Variants in THEMIS observed in about 807,000 individuals in gnomAD.
The protein encoded by THEMIS is thymocyte selection associated.
A neutral mutation model predicts 52.6 loss-of-function variants in THEMIS; 37 were observed. The ratio of observed to expected loss-of-function variants is 0.70; its 90% CI spans 0.54 to 0.93. The LOEUF is 0.93. Ranked by LOEUF, THEMIS falls within the 40% of genes least tolerant of loss-of-function variation. THEMIS has a pLI of 0.00. For missense variants in THEMIS, 808 were observed against 763.1 expected, an observed-to-expected ratio of 1.06 and a Z score of -0.69; for synonymous variants, 292 against 272.7, an observed-to-expected ratio of 1.07 and a Z score of -0.70.
chr6:127,845,886 T>G (rs1182715546), intron 2 of THEMIS, among the ~76,000 whole-genome samples: 1 of 151,888 alleles, frequency 6.6e-6, no homozygotes, highest in Non-Finnish European at 1.5e-5. Flanking sequence ...ATGAGTAATT[T>G]TAAACACATG....
intron 3 of THEMIS, among the ~76,000 whole-genome samples, chr6:127,821,194 G>A (rs1778328371): frequency 6.7e-6 from 1 of 149,752 alleles, no homozygotes; most frequent in Non-Finnish European, 1.5e-5. Flanking sequence ...GAGAGAGAGA[G>A]ATAAATTTTT....
chr6:127,793,679 A>T (rs12191259), intron 4 of THEMIS, among the ~76,000 whole-genome samples: 23,106 of 152,178 alleles, frequency 0.15, 1,963 homozygotes, highest in African/African-American at 0.22. Context: ...AGCAACCTGT[A>T]GATATTTCAA....
At chr6:127,908,502 G>T (rs1781332761) in intron 1 of THEMIS, among the ~76,000 whole-genome samples, 1 of 152,130 alleles carries the variant, frequency 6.6e-6, no homozygotes, top group South Asian at 2.1e-4. Context: ...ACTGCTCGGT[G>T]CCACAGAACA....
intron 1 of THEMIS, among the ~76,000 whole-genome samples, chr6:127,890,578 A>G (rs975175264): frequency 6.6e-6 from 1 of 152,138 alleles, no homozygotes; most frequent in Non-Finnish European, 1.5e-5. Context: ...AATAACTGGA[A>G]GAAAAAATTT....
intron 4 of THEMIS, among the ~76,000 whole-genome samples, chr6:127,767,593 G>A (rs577092212): frequency 5.3e-5 from 8 of 152,192 alleles, no homozygotes; most frequent in Middle Eastern, 3.4e-3. Context: ...ACATGAAGTT[G>A]TCAACTCCTT....
chr6:127,787,803 GTAGATAGA>G (rs147102978), intron 4 of THEMIS, among the ~76,000 whole-genome samples: 17 of 137,744 alleles, frequency 1.2e-4, no homozygotes, highest in East Asian at 9.5e-4. Flanking sequence ...ACAGTGATAG[GTAGATAGA>G]TAGATAGATA....
intron 4 of THEMIS, among the ~76,000 whole-genome samples, chr6:127,725,450 CTG>C (rs1464344584): frequency 2.0e-5 from 3 of 148,802 alleles, no homozygotes; most frequent in Admixed American, 6.7e-5. Flanking sequence ...GTGTGTGTGT[CTG>C]TGTGTGTGTG....
intron 3 of THEMIS, among the ~76,000 whole-genome samples, chr6:127,822,117 T>C (rs1405024370): frequency 2.0e-5 from 3 of 151,980 alleles, no homozygotes; most frequent in African/African-American, 7.2e-5. Context: ...AAGTATGAAC[T>C]TCATCTTCAT....
At position 127,917,445 on chromosome 6, in the gene THEMIS, C is replaced by T. The variant is rs1208576740; in HGVS notation, c.-150+983G>A. Reference sequence around the variant, plus strand: ...AGGATGCTGAAAACAGGACAGGAACCGGGGCAGTAGAATCTGGAATGTGTG... The same window carrying T: ...AGGATGCTGAAAACAGGACAGGAACTGGGGCAGTAGAATCTGGAATGTGTG... On this transcript the variant is annotated intron_variant, in intron 1 of 6. Transcript: ENST00000368250. Among the ~76,000 whole-genome samples the T allele has an allele frequency of 3.9e-5, 6 of 152,146 alleles. No individual in the cohort carries two copies. In the East Asian group the frequency reaches 5.8e-4, roughly 15 times the overall value.
At chr6:127,747,685 TA>T (rs1388349654) in intron 4 of THEMIS, among the ~76,000 whole-genome samples, 1 of 151,960 alleles carries the variant, frequency 6.6e-6, no homozygotes, top group East Asian at 1.9e-4. Flanking sequence ...AAGATAAAGT[TA>T]TTTTTAAAAA....
chr6:127,717,016 A>C (rs2114475080), intron 5 of THEMIS, among the ~76,000 whole-genome samples: 1 of 152,104 alleles, frequency 6.6e-6, no homozygotes, highest in South Asian at 2.1e-4. Context: ...ACAGAAACTC[A>C]GAGACTGAAA....
chr6:127,834,296 C>T (rs962509716), intron 2 of THEMIS, among the ~76,000 whole-genome samples: 12 of 151,436 alleles, frequency 7.9e-5, no homozygotes, highest in Middle Eastern at 3.4e-3. Flanking sequence ...TGGGGCCAGG[C>T]GTGGTGAGTC....
In THEMIS at chr6:127,824,126, C is replaced by T. The variant is rs557527089; in HGVS notation, c.709+5350G>A. Among the ~76,000 whole-genome samples the T allele has an allele frequency of 3.9e-5, 6 of 152,268 alleles. No individual in the cohort carries two copies. In the East Asian group the frequency reaches 1.2e-3, roughly 29 times the overall value. ...GTCTGAAGAATGGTTAAACCCAGGTCTCCACTCTAATCTAGGGGAGATAGG... is the reference window on the plus strand; with the variant it reads ...GTCTGAAGAATGGTTAAACCCAGGTTTCCACTCTAATCTAGGGGAGATAGG... On this transcript the variant is annotated intron_variant, in intron 3 of 5. Transcript: ENST00000368248.
At chr6:127,792,305 C>A (rs1777185726) in intron 4 of THEMIS, among the ~76,000 whole-genome samples, 1 of 152,160 alleles carries the variant, frequency 6.6e-6, no homozygotes, top group Non-Finnish European at 1.5e-5. Flanking sequence ...CATCATGGGA[C>A]CATAAGTACC....
At chr6:127,818,141 C>G (rs1293910350) in intron 3 of THEMIS, among the ~76,000 whole-genome samples, 1 of 152,186 alleles carries the variant, frequency 6.6e-6, no homozygotes, top group East Asian at 1.9e-4. Flanking sequence ...CCAACCTTCT[C>G]TGTACTTCTA....
chr6:127,819,727 G>T (rs996751759), intron 3 of THEMIS, among the ~76,000 whole-genome samples: 1 of 152,122 alleles, frequency 6.6e-6, no homozygotes, highest in South Asian at 2.1e-4. Flanking sequence ...ACTTACTTAT[G>T]TGAGTAACAA....
chr6:127,742,133 G>A (rs1304709207), intron 4 of THEMIS, among the ~76,000 whole-genome samples: 1 of 151,872 alleles, frequency 6.6e-6, no homozygotes. Flanking sequence ...CCAACATGGT[G>A]AAACCCCGTC....
At chr6:127,756,328 G>A (rs1391499294) in intron 4 of THEMIS, among the ~76,000 whole-genome samples, 1 of 151,942 alleles carries the variant, frequency 6.6e-6, no homozygotes, top group East Asian at 1.9e-4. Context: ...TTTTGCAGCA[G>A]CAAAAAAGAT....
At chr6:127,858,515 G>A (rs1408721077) in intron 1 of THEMIS, among the ~76,000 whole-genome samples, 1 of 151,922 alleles carries the variant, frequency 6.6e-6, no homozygotes, top group Non-Finnish European at 1.5e-5. Context: ...TGGAAATCTT[G>A]TATTTTATTA....
Sources: allele counts gnomAD v4.1 joint callset (sites outside exome capture counted in the v4.1 genomes callset), GRCh38; gene constraint gnomAD v4.1.1; transcripts MANE v1.5; gene names NCBI Gene and HGNC (gene_info 2026-07-23, HGNC 2026-07-21).